ALK: variants seen among roughly 807,000 people sequenced by gnomAD.
The protein encoded by ALK is ALK tyrosine kinase receptor.
Under a neutral mutation model 163.1 loss-of-function variants are expected in ALK, and 74 were observed. That is an observed-to-expected ratio of 0.45 (90% CI 0.38 to 0.55). The LOEUF is 0.55. Among genes scored for constraint, ALK ranks in the 20% least tolerant of loss-of-function variants. The probability of loss-of-function intolerance (pLI) is 0.00; values close to 1 mark genes in which losing one functional copy is unlikely to be tolerated. For missense variants in ALK, 2,063 were observed against 2,105.3 expected, an observed-to-expected ratio of 0.98 and a Z score of 0.39; for synonymous variants, 960 against 843.2, an observed-to-expected ratio of 1.14 and a Z score of -2.40.
At chr2:29,463,273 G>C (rs1259868998) in intron 4 of ALK, among the ~76,000 whole-genome samples, 1 of 152,200 alleles carries the variant, frequency 6.6e-6, no homozygotes, top group South Asian at 2.1e-4. Context: ...TGGATTGACT[G>C]TTGCAGCAAG....
At chr2:29,576,505 C>G (rs1371730065) in intron 3 of ALK, among the ~76,000 whole-genome samples, 2 of 152,186 alleles carry the variant, frequency 1.3e-5, no homozygotes, top group East Asian at 3.8e-4. Flanking sequence ...GACATTTGTC[C>G]CTCCCTGTTC....
chr2:29,807,535 T>G lies in ALK; in HGVS notation c.668-89838A>C, dbSNP rs182046209. On this transcript the variant is annotated intron_variant, in intron 1 of 28. Coordinates refer to ENST00000389048, the MANE Select transcript of ALK (RefSeq NM_004304.5). ...GGCCTGCCTCCAGGCTCTGATGATT[T>G]GCTGAGTGAAAGTGACAATGGTTTT... Among the ~76,000 whole-genome samples, 336 of 152,328 alleles carry G rather than the reference T, an allele frequency of 2.2e-3. 2 individuals carry two copies. The highest frequency in any genetic ancestry group is 7.2e-3 in the African/African-American group (298 of 41,574).
chr2:29,339,206 G>A (rs1030895927), intron 5 of ALK, among the ~76,000 whole-genome samples: 17 of 151,226 alleles, frequency 1.1e-4, no homozygotes, highest in African/African-American at 4.1e-4. Context: ...TCACGCCACT[G>A]CACTCCAGCC....
At chr2:29,812,348 A>AC (rs1295737002) in intron 1 of ALK, among the ~76,000 whole-genome samples, 2 of 151,624 alleles carry the variant, frequency 1.3e-5, no homozygotes, top group African/African-American at 4.8e-5. Flanking sequence ...TAGCATAAAT[A>AC]CCCCCGCCAT....
intron 4 of ALK, among the ~76,000 whole-genome samples, chr2:29,426,550 C>G (rs778504695): frequency 6.6e-6 from 1 of 152,120 alleles, no homozygotes; most frequent in Non-Finnish European, 1.5e-5. Flanking sequence ...AAAAAATTCC[C>G]AGATCAGCAA....
chr2:29,607,705 C>T (rs535003540), intron 3 of ALK, among the ~76,000 whole-genome samples: 5 of 152,280 alleles, frequency 3.3e-5, no homozygotes, highest in African/African-American at 1.2e-4. Flanking sequence ...CTTCTACCTC[C>T]CTCTCAGCCA....
intron 11 of ALK, among the ~76,000 whole-genome samples, chr2:29,267,511 T>C (rs1013547632): frequency 6.6e-6 from 1 of 152,186 alleles, no homozygotes; most frequent in Non-Finnish European, 1.5e-5. Flanking sequence ...TCATCTTTTG[T>C]GTAAGCACCC....
At chr2:29,674,065 A>G (rs1677794199) in intron 3 of ALK, among the ~76,000 whole-genome samples, 1 of 143,174 alleles carries the variant, frequency 7.0e-6, no homozygotes, top group Non-Finnish European at 1.5e-5. Context: ...CAGCTTAAGG[A>G]GATTTTGGGC....
chr2:29,738,275 A>G lies in ALK; in HGVS notation c.668-20578T>C, dbSNP rs1230368571. 2.0e-5 allele frequency among the ~76,000 whole-genome samples: 3 copies of G among 152,198 alleles called. No homozygotes were observed. The East Asian group carries it at 5.8e-4, about 29-fold the overall frequency. On this transcript the variant is annotated intron_variant, in intron 1 of 28. Transcript: ENST00000389048. ...TGGACCTTGGAGTCCATATCAATGG[A>G]AAGAGAAGGACCAAATGGATGCTTG...
intron 3 of ALK, among the ~76,000 whole-genome samples, chr2:29,626,260 G>T (rs1280711902): frequency 6.6e-6 from 1 of 152,168 alleles, no homozygotes; most frequent in Non-Finnish European, 1.5e-5. Flanking sequence ...ATGTCATCTT[G>T]CATTGTAATA....
chr2:29,826,822 G>A (rs1665215644), intron 1 of ALK, among the ~76,000 whole-genome samples: 2 of 152,174 alleles, frequency 1.3e-5, no homozygotes, highest in South Asian at 4.1e-4. Flanking sequence ...TTGCCATAAG[G>A]AACAAAAATT....
At chr2:29,206,914 A>G (rs1331670466) in intron 26 of ALK, among the ~76,000 whole-genome samples, 2 of 152,196 alleles carry the variant, frequency 1.3e-5, no homozygotes, top group African/African-American at 4.8e-5. Flanking sequence ...ACTTGTTAGA[A>G]ATGCAAATTC....
At chr2:29,480,740 G>T (rs544847947) in intron 4 of ALK, among the ~76,000 whole-genome samples, 2 of 139,994 alleles carry the variant, frequency 1.4e-5, no homozygotes, top group South Asian at 4.6e-4. Context: ...CCAGCAACAC[G>T]CAGGCAGATG....
chr2:29,772,072 G>A (rs1681045141), intron 1 of ALK, among the ~76,000 whole-genome samples: 1 of 152,156 alleles, frequency 6.6e-6, no homozygotes, highest in Non-Finnish European at 1.5e-5. Flanking sequence ...CAGGGCCCAG[G>A]ATGCCAGAGG....
intron 4 of ALK, among the ~76,000 whole-genome samples, chr2:29,416,979 CTTTTTTTTTTTTT>C (rs751862066): frequency 1.2e-4 from 9 of 77,664 alleles, no homozygotes; most frequent in South Asian, 4.7e-4. Flanking sequence ...ATGTTTGATG[CTTTTTTTTTTTTT>C]TTTTTTTTTT....
intron 4 of ALK, among the ~76,000 whole-genome samples, chr2:29,435,107 C>A (rs1484312838): frequency 6.6e-6 from 1 of 152,168 alleles, no homozygotes; most frequent in Non-Finnish European, 1.5e-5. Flanking sequence ...AGTCCATTAC[C>A]CCTCCTACCA....
chr2:29,784,071 G>A (rs554843651), intron 1 of ALK, among the ~76,000 whole-genome samples: 1 of 152,272 alleles, frequency 6.6e-6, no homozygotes, highest in Admixed American at 6.5e-5. Flanking sequence ...GAGACAACGA[G>A]AGAGCGAGAC....
chr2:29,787,674 T>C (rs1408015287), intron 1 of ALK, among the ~76,000 whole-genome samples: 1 of 152,060 alleles, frequency 6.6e-6, no homozygotes. Context: ...AGACAGTCTG[T>C]AGAGAGGAAG....
chr2:29,486,158 G>C (rs1271953509), intron 4 of ALK, among the ~76,000 whole-genome samples: 1 of 152,076 alleles, frequency 6.6e-6, no homozygotes, highest in Admixed American at 6.6e-5. Flanking sequence ...GCTGCATTTA[G>C]AGCAGAGTAG....
Sources: gnomAD v4.1 joint callset for allele counts (sites outside exome capture counted in the v4.1 genomes callset) on GRCh38, gnomAD v4.1.1 for gene constraint, MANE v1.5 for transcripts, NCBI Gene and HGNC (gene_info 2026-07-23, HGNC 2026-07-21) for gene names.